The following HOXC8 variants were observed in gnomAD, a reference collection of about 807,000 sequenced individuals.
HOXC8 encodes homeobox protein Hox-C8.
Under a neutral mutation model 25.8 loss-of-function variants are expected in HOXC8, and 14 were observed. That is an observed-to-expected ratio of 0.54 (90% CI 0.36 to 0.85). The LOEUF (loss-of-function observed/expected upper bound fraction) is 0.85. HOXC8 is among the 40% of genes least tolerant of loss of function. HOXC8 has a pLI of 0.01. For missense variants in HOXC8, 316 were observed against 308.8 expected (o/e 1.02, Z -0.17); for synonymous variants, 144 against 124.6 (o/e 1.16, Z -1.04).
Position 54,011,901 on chromosome 12 carries a change from G to A in HOXC8, c.*520G>A, listed in dbSNP as rs1384554231. 1 of 152,100 alleles carries A rather than the reference G, an allele frequency of 6.6e-6. No individual in the cohort carries two copies. Among genetic ancestry groups the A allele is most frequent in the East Asian group, 1.9e-4 (1 of 5,200 alleles). The allele number at this position is 152,100 out of a possible 1,614,324, so 9.4% of individuals were successfully genotyped here. A position where few individuals can be genotyped will look rare whatever the true frequency, so the allele number is the denominator to read the frequency against. On this transcript the variant is annotated 3_prime_UTR_variant, in exon 2 of 2. Transcript: ENST00000040584. ...ATGAAGAAAGGAAAGGAAGACAAAT[G>A]TAAAGAAATAAGGAAAAAAGCAAGG...
In HOXC8 at chr12:54,012,005, G is replaced by A. The variant is rs1940006679; in HGVS notation, c.*624G>A. 7.8e-6 allele frequency: 1 copy of A among 128,186 alleles called. No homozygotes were observed. The highest frequency in any genetic ancestry group is 2.5e-4 in the South Asian group (1 of 4,066). 7.9% of individuals were successfully genotyped at this position (128,186 alleles called of 1,614,324 possible). On this transcript the variant is annotated 3_prime_UTR_variant, in exon 2 of 2. Coordinates refer to ENST00000040584, the MANE Select transcript of HOXC8 (RefSeq NM_022658.4). ...CCCCCTTGACTTTCTCTAGGAACCT[G>A]ATGGAAACCTGAAGGAGATGTGGGT...
chr12:54,011,395 A>ACC lies in HOXC8; in HGVS notation c.*24_*25dup, dbSNP rs375330102. On this transcript the variant is annotated 3_prime_UTR_variant, in exon 2 of 2. Transcript: ENST00000040584. ...AACAAGGACTAAGCAAAAAAGAAAGACCCCCCCCCCCTTAGCAACTCCCTT... is the reference window on the plus strand; with the variant it reads ...AACAAGGACTAAGCAAAAAAGAAAGACCCCCCCCCCCCCTTAGCAACTCCCTT... 3.5e-3 allele frequency: 3,977 copies of ACC among 1,150,446 alleles called. 5 individuals are homozygous for ACC. Among genetic ancestry groups the ACC allele is most frequent in the Non-Finnish European group, 3.9e-3 (3,503 of 888,784 alleles). 71.3% of individuals were successfully genotyped at this position (1,150,446 alleles called of 1,614,324 possible).
Position 54,011,334 on chromosome 12 carries a change from G to T in HOXC8, c.682G>T (p.Glu228Ter). 1.3e-5 allele frequency: 20 copies of T among 1,512,090 alleles called. No individual in the cohort carries two copies. The highest frequency in any genetic ancestry group is 1.8e-5 in the Non-Finnish European group (20 of 1,136,216). 93.7% of individuals were successfully genotyped at this position (1,512,090 alleles called of 1,614,324 possible). A position where few individuals can be genotyped will look rare whatever the true frequency, so the allele number is the denominator to read the frequency against. ...GGAGAAGGTGGAGGAAGAAGGAAAT[G>T]AGGAAGAGGAGAAAGAAGAGGAGGA... The part of the protein sequence containing the change: ...DEEKVEEEGN[E>*]EEEKEEEEKE... Residue 228 changes from glutamate (E) to a stop codon, truncating the protein, a stop_gained, in exon 2 of 2, where the codon GAG becomes TAG. Transcript: ENST00000040584. LOFTEE classifies it high-confidence loss of function.
At chr12:54,010,515 G>A (rs1266834358) in intron 1 of HOXC8, among the ~76,000 whole-genome samples, 1 of 152,186 alleles carries the variant, frequency 6.6e-6, no homozygotes, top group Non-Finnish European at 1.5e-5. Flanking sequence ...GCCCAATTTC[G>A]AAGTACAGGG....
In HOXC8 at chr12:54,009,076, C is replaced by T; in HGVS notation, c.-209C>T. 1 of 228,444 alleles carries T rather than the reference C, an allele frequency of 4.4e-6. No individual in the cohort carries two copies. The highest frequency in any genetic ancestry group is 8.3e-6 in the Non-Finnish European group (1 of 120,098). 14.2% of individuals were successfully genotyped at this position (228,444 alleles called of 1,614,324 possible). A position where few individuals can be genotyped will look rare whatever the true frequency, so the allele number is the denominator to read the frequency against. ...CGCCGCCCGCCGCCGCCGCCGCCCG[C>T]GCCCCAGCCCCGGGAGCTCTGCTGA... On this transcript the variant is annotated 5_prime_UTR_variant, in exon 1 of 2. Coordinates refer to ENST00000040584, the MANE Select transcript of HOXC8 (RefSeq NM_022658.4). The surrounding 1 kb of genome is among the most constrained non-coding windows in gnomAD (Gnocchi z 5.0).
At chr12:54,010,342 G>A (rs1396601558) in intron 1 of HOXC8, among the ~76,000 whole-genome samples, 1 of 152,180 alleles carries the variant, frequency 6.6e-6, no homozygotes, top group Non-Finnish European at 1.5e-5. Context: ...GAGCCTGAGA[G>A]GAGGGGGAAA....
In HOXC8 at chr12:54,009,812, TC is replaced by T; in HGVS notation, c.436+94del. 8.4e-7 allele frequency: 1 copy of T among 1,194,074 alleles called. No homozygotes were observed. Among genetic ancestry groups the T allele is most frequent in the Non-Finnish European group, 1.2e-6 (1 of 826,362 alleles). The allele number at this position is 1,194,074 out of a possible 1,614,324, so 74.0% of individuals were successfully genotyped here. A position where few individuals can be genotyped will look rare whatever the true frequency, so the allele number is the denominator to read the frequency against. On this transcript the variant is annotated intron_variant, in intron 1 of 1. Coordinates refer to ENST00000040584, the MANE Select transcript of HOXC8 (RefSeq NM_022658.4). This position sits in a 1 kb window ranked among gnomAD's most constrained non-coding sequence, Gnocchi z 5.0. ...CCTTTTTGTCTGCCCTCGCTTTTTC[TC>T]CTGGCTTTGGGGTCTCTCCCGCCCC...
rs936981259 is a variant in HOXC8, at chr12:54,012,375, G to GTA, written c.*996_*997dup. 6.6e-6 allele frequency: 1 copy of GTA among 150,768 alleles called. No individual in the cohort carries two copies. The highest frequency in any genetic ancestry group is 1.5e-5 in the Non-Finnish European group (1 of 67,694). The allele number at this position is 150,768 out of a possible 1,614,324, so 9.3% of individuals were successfully genotyped here. On this transcript the variant is annotated 3_prime_UTR_variant, in exon 2 of 2. Transcript: ENST00000040584. ...AAAAAGAAAGAAAGAAACCTCCAGC[G>GTA]TATTTTATCACTACCTATAGAAAGA...
Position 54,011,533 on chromosome 12 carries a change from C to T in HOXC8, c.*152C>T, listed in dbSNP as rs11170784. On this transcript the variant is annotated 3_prime_UTR_variant, in exon 2 of 2. Transcript: ENST00000040584. ...AACTACCTGTCAGATACTTGCAGCTCTGGTTTTATTACCTTTGGACTTCCC... is the reference window on the plus strand; with the variant it reads ...AACTACCTGTCAGATACTTGCAGCTTTGGTTTTATTACCTTTGGACTTCCC... The T allele has an allele frequency of 9.3e-5, 93 of 998,788 alleles. No individual in the cohort carries two copies. The African/African-American group carries it at 1.4e-3, about 15-fold the overall frequency. 61.9% of individuals were successfully genotyped at this position (998,788 alleles called of 1,614,324 possible). A position where few individuals can be genotyped will look rare whatever the true frequency, so the allele number is the denominator to read the frequency against.
chr12:54,012,662 T>A lies in HOXC8; in HGVS notation c.*1281T>A, dbSNP rs966854568. Among the ~76,000 whole-genome samples, 2 of 152,248 alleles carry A rather than the reference T, an allele frequency of 1.3e-5. No individual in the cohort carries two copies. Among genetic ancestry groups the A allele is most frequent in the African/African-American group, 4.8e-5 (2 of 41,462 alleles). Reference sequence around the variant, plus strand: ...AATAATTTTTTGTCATTTGTCTTTATGTCCAGCTATGAATGTAGATTTTGT... The same window carrying A: ...AATAATTTTTTGTCATTTGTCTTTAAGTCCAGCTATGAATGTAGATTTTGT... On this transcript the variant is annotated 3_prime_UTR_variant, in exon 2 of 2. Transcript: ENST00000040584.
In HOXC8 at chr12:54,011,399, C is replaced by G; in HGVS notation, c.*18C>G. The G allele has an allele frequency of 7.0e-7, 1 of 1,424,580 alleles. No homozygotes were observed. The highest frequency in any genetic ancestry group is 9.2e-7 in the Non-Finnish European group (1 of 1,086,974). The allele number at this position is 1,424,580 out of a possible 1,614,324, so 88.2% of individuals were successfully genotyped here. ...AGGACTAAGCAAAAAAGAAAGACCCCCCCCCCCTTAGCAACTCCCTTGAAG... is the reference window on the plus strand; with the variant it reads ...AGGACTAAGCAAAAAAGAAAGACCCGCCCCCCCTTAGCAACTCCCTTGAAG... On this transcript the variant is annotated 3_prime_UTR_variant, in exon 2 of 2. Transcript: ENST00000040584.
intron 1 of HOXC8, among the ~76,000 whole-genome samples, chr12:54,010,819 T>TG (rs548903145): frequency 3.3e-5 from 5 of 152,122 alleles, no homozygotes; most frequent in South Asian, 2.1e-4. Context: ...ACAGGCCTGG[T>TG]GGGGGGGATT....
In HOXC8 at chr12:54,009,386, G is replaced by C. The variant is rs1234080988; in HGVS notation, c.102G>C (p.Arg34Ser). 4.3e-6 allele frequency: 7 copies of C among 1,614,024 alleles called. No homozygotes were observed. The highest frequency in any genetic ancestry group is 5.9e-6 in the Non-Finnish European group (7 of 1,179,940). ...GCCGGTTCCCTCAGAGCGTGGGCAG[G>C]AGCCATGCGCTGGTGTACGGGCCCG... ...YDCRFPQSVG[R>S]SHALVYGPGG... The change falls in exon 1 of 2, where the codon AGG becomes AGC. Residue 34 changes from arginine (R) to serine (S), a missense_variant. Arg to Ser is a moderately radical substitution (Grantham distance 110). Coordinates refer to ENST00000040584, the MANE Select transcript of HOXC8 (RefSeq NM_022658.4). This position sits in a 1 kb window ranked among gnomAD's most constrained non-coding sequence, Gnocchi z 5.0.
rs1940017072 is a variant in HOXC8 at position 54,012,370 on chromosome 12, C to T, written c.*989C>T. ...AAAAAAAAAAGAAAGAAAGAAACCT[C>T]CAGCGTATTTTATCACTACCTATAG... On this transcript the variant is annotated 3_prime_UTR_variant, in exon 2 of 2. Coordinates refer to ENST00000040584, the MANE Select transcript of HOXC8 (RefSeq NM_022658.4). 6.6e-6 allele frequency: 1 copy of T among 150,698 alleles called. No homozygotes were observed. The allele number at this position is 150,698 out of a possible 1,614,324, so 9.3% of individuals were successfully genotyped here. A position where few individuals can be genotyped will look rare whatever the true frequency, so the allele number is the denominator to read the frequency against.
chr12:54,009,997 G>T lies in HOXC8; in HGVS notation c.436+277G>T, dbSNP rs1939949079. On this transcript the variant is annotated intron_variant, in intron 1 of 1. Coordinates refer to ENST00000040584, the MANE Select transcript of HOXC8 (RefSeq NM_022658.4). This position sits in a 1 kb window ranked among gnomAD's most constrained non-coding sequence, Gnocchi z 5.0. ...GTTAAAAATCGTTTTCTCCATCTCT[G>T]TCTGTCTGTCTCTCTCTGACTCTCC... Among the ~76,000 whole-genome samples, 1 of 152,178 alleles carries T rather than the reference G, an allele frequency of 6.6e-6. No homozygotes were observed. The highest frequency in any genetic ancestry group is 2.4e-5 in the African/African-American group (1 of 41,442).
Position 54,011,181 on chromosome 12 carries a change from A to C in HOXC8, c.529A>C (p.Lys177Gln). ...EFLFNPYLTRKRRIEVSHALG... is the reference protein window; with the variant it reads ...EFLFNPYLTRQRRIEVSHALG... ...TCTCTTTAATCCTTATTTGACACGA[A>C]AACGTCGGATTGAAGTCTCTCATGC... The change falls in exon 2 of 2, where the codon AAA becomes CAA. Residue 177 changes from lysine to glutamine, a missense_variant. Coordinates refer to ENST00000040584, the MANE Select transcript of HOXC8 (RefSeq NM_022658.4). The C allele has an allele frequency of 6.2e-7, 1 of 1,614,136 alleles. No homozygotes were observed. Among genetic ancestry groups the C allele is most frequent in the East Asian group, 2.2e-5 (1 of 44,884 alleles).
At position 54,009,196 on chromosome 12, in the gene HOXC8, C is replaced by A; in HGVS notation, c.-89C>A. On this transcript the variant is annotated 5_prime_UTR_variant, in exon 1 of 2. Coordinates refer to ENST00000040584, the MANE Select transcript of HOXC8 (RefSeq NM_022658.4). The surrounding 1 kb of genome is among the most constrained non-coding windows in gnomAD (Gnocchi z 5.0). ...CCGGGGAGCCAGCTGGCCTGGGGTT[C>A]GGTCCCGGGGGGAGGGGAGTTTCGG... The A allele has an allele frequency of 8.6e-7, 1 of 1,167,932 alleles. No individual in the cohort carries two copies. The highest frequency in any genetic ancestry group is 1.2e-6 in the Non-Finnish European group (1 of 817,384). The allele number at this position is 1,167,932 out of a possible 1,614,324, so 72.3% of individuals were successfully genotyped here.
chr12:54,009,202 C>T lies in HOXC8; in HGVS notation c.-83C>T. The stretch of plus-strand genomic sequence containing the variant: ...AGCCAGCTGGCCTGGGGTTCGGTCC[C>T]GGGGGGAGGGGAGTTTCGGGGGTAC... On this transcript the variant is annotated 5_prime_UTR_variant, in exon 1 of 2. Coordinates refer to ENST00000040584, the MANE Select transcript of HOXC8 (RefSeq NM_022658.4). This position sits in a 1 kb window ranked among gnomAD's most constrained non-coding sequence, Gnocchi z 5.0. 6.5e-6 allele frequency: 8 copies of T among 1,240,110 alleles called. No homozygotes were observed. The highest frequency in any genetic ancestry group is 2.2e-5 in the Admixed American group (1 of 45,008). 76.8% of individuals were successfully genotyped at this position (1,240,110 alleles called of 1,614,324 possible). A position where few individuals can be genotyped will look rare whatever the true frequency, so the allele number is the denominator to read the frequency against.
Position 54,009,443 on chromosome 12 carries a change from G to T in HOXC8, c.159G>T (p.Ser53=). ...CGGCGCCCGGCTTCCAGCACGCTTCGCACCACGTTCAAGACTTCTTCCACC... is the reference window on the plus strand; with the variant it reads ...CGGCGCCCGGCTTCCAGCACGCTTCTCACCACGTTCAAGACTTCTTCCACC... The part of the protein sequence containing the change: ...GGSAPGFQHA[S]HHVQDFFHHG... Residue 53 remains serine, a synonymous_variant, in exon 1 of 2, where the codon TCG becomes TCT. Transcript: ENST00000040584. This position sits in a 1 kb window ranked among gnomAD's most constrained non-coding sequence, Gnocchi z 5.0. 1.2e-6 allele frequency: 2 copies of T among 1,614,082 alleles called. No homozygotes were observed. The highest frequency in any genetic ancestry group is 1.1e-5 in the South Asian group (1 of 91,080).
Sources: gnomAD v4.1 joint callset for allele counts (sites outside exome capture counted in the v4.1 genomes callset) on GRCh38, gnomAD v4.1.1 for gene constraint, Gnocchi (gnomAD v3.1) non-coding constraint, MANE v1.5 for transcripts, NCBI Gene and HGNC (gene_info 2026-07-23, HGNC 2026-07-21) for gene names.